The following UBXN2A variants were observed in gnomAD, a reference collection of about 807,000 sequenced individuals.
UBXN2A encodes UBX domain-containing protein 2A.
In UBXN2A, 28 loss-of-function variants were observed where a neutral mutation model predicts 28.4. The ratio of observed to expected loss-of-function variants is 0.99; its 90% CI spans 0.73 to 1.35. The LOEUF is 1.35. Ranked by LOEUF, UBXN2A falls within the 40% of genes most tolerant of loss-of-function variation. The pLI is 0.00. For missense variants in UBXN2A, 253 were observed against 297.9 expected, an observed-to-expected ratio of 0.85 and a Z score of 1.11; for synonymous variants, 97 against 103.6, an observed-to-expected ratio of 0.94 and a Z score of 0.39.
At chr2:23,963,242 C>T (rs543801892) in intron 2 of UBXN2A, among the ~76,000 whole-genome samples, 12 of 152,076 alleles carry the variant, frequency 7.9e-5, no homozygotes, top group Admixed American at 2.0e-4. Context: ...AAACGCCGGG[C>T]GCAGTGGCTC....
intron 4 of UBXN2A, among the ~76,000 whole-genome samples, chr2:23,981,338 C>T (rs1707889512): frequency 6.7e-6 from 1 of 149,974 alleles, no homozygotes; most frequent in Admixed American, 6.7e-5. Context: ...AAAAATCACC[C>T]GTGGTGGCAC....
In UBXN2A at chr2:23,943,826, C is replaced by T. The variant is rs77871883; in HGVS notation, c.-15+3178C>T. On this transcript the variant is annotated intron_variant, in intron 1 of 6. Transcript: ENST00000309033. ...ATATTTAAAATGAGCTTTGCATTTCCGTCCAGACCAGAACCCAAGATGGCT... is the reference window on the plus strand; with the variant it reads ...ATATTTAAAATGAGCTTTGCATTTCTGTCCAGACCAGAACCCAAGATGGCT... The T allele has an allele frequency of 7.5e-4, 244 of 325,728 alleles. 1 individual carries two copies. In the East Asian group the frequency reaches 0.015, roughly 21 times the overall value. 20.2% of individuals were successfully genotyped at this position (325,728 alleles called of 1,614,324 possible). A position where few individuals can be genotyped will look rare whatever the true frequency, so the allele number is the denominator to read the frequency against.
At chr2:23,974,345 C>A (rs1398914865) in intron 3 of UBXN2A, among the ~76,000 whole-genome samples, 1 of 130,558 alleles carries the variant, frequency 7.7e-6, no homozygotes, top group Non-Finnish European at 1.6e-5. Context: ...ATTTAACCAA[C>A]TTTTTTTTTT....
intron 1 of UBXN2A, among the ~76,000 whole-genome samples, chr2:23,928,460 C>G (rs1379337346): frequency 1.3e-5 from 2 of 151,882 alleles, no homozygotes; most frequent in Non-Finnish European, 2.9e-5. Flanking sequence ...GCCTGTAATC[C>G]CAGCTACTTG....
chr2:23,951,495 T>C (rs1464184686), intron 1 of UBXN2A, among the ~76,000 whole-genome samples: 1 of 148,190 alleles, frequency 6.7e-6, no homozygotes, highest in Non-Finnish European at 1.5e-5. Flanking sequence ...AGTTTTGCTC[T>C]TGTCACCCAG....
At chr2:23,932,546 G>A (rs528094305) in intron 1 of UBXN2A, among the ~76,000 whole-genome samples, 65 of 152,196 alleles carry the variant, frequency 4.3e-4, no homozygotes, top group Non-Finnish European at 7.6e-4. Flanking sequence ...AGTGGGGAGC[G>A]GTGGGTGGGG....
chr2:23,959,756 G>A (rs1706810649), intron 2 of UBXN2A, among the ~76,000 whole-genome samples: 1 of 152,152 alleles, frequency 6.6e-6, no homozygotes, highest in Non-Finnish European at 1.5e-5. Context: ...GTAACAAGTT[G>A]TGACAAATTC....
intron 2 of UBXN2A, among the ~76,000 whole-genome samples, chr2:23,961,229 G>A (rs1055283264): frequency 6.6e-6 from 1 of 151,716 alleles, no homozygotes. Context: ...CCAAGTAGCT[G>A]GGACTACAGG....
intron 3 of UBXN2A, among the ~76,000 whole-genome samples, chr2:23,974,134 C>T (rs1707547436): frequency 6.7e-6 from 1 of 150,298 alleles, no homozygotes; most frequent in Non-Finnish European, 1.5e-5. Flanking sequence ...CCTGCCTCAG[C>T]CTCCTGAGTA....
chr2:23,994,126 T>C (rs973821374), intron 6 of UBXN2A, among the ~76,000 whole-genome samples: 1 of 152,244 alleles, frequency 6.6e-6, no homozygotes, highest in African/African-American at 2.4e-5. Context: ...AATGCCCATA[T>C]GTTGTCTTCC....
At chr2:23,991,436 C>CAT (rs112419400) in intron 6 of UBXN2A, among the ~76,000 whole-genome samples, 17,988 of 149,986 alleles carry the variant, frequency 0.12, 1,153 homozygotes, top group Middle Eastern at 0.22. Flanking sequence ...CACACATATA[C>CAT]ATATATATAT....
intron 6 of UBXN2A, among the ~76,000 whole-genome samples, chr2:23,988,669 T>G (rs979994601): frequency 2.6e-5 from 4 of 152,226 alleles, no homozygotes; most frequent in African/African-American, 9.6e-5. Context: ...AAGTTACTCA[T>G]TTTCCCTTTG....
rs111781152 is a variant in UBXN2A, at chr2:23,951,878, A to G, written c.-14-6423A>G. ...ATGTAGACATTTTTAAAGTGAAGCA[A>G]TTAATTTTAGGAATACTACGTTTGA... On this transcript the variant is annotated intron_variant, in intron 1 of 6. Coordinates refer to ENST00000309033, the MANE Select transcript of UBXN2A (RefSeq NM_181713.4). Among the ~76,000 whole-genome samples, 133 of 152,144 alleles carry G rather than the reference A, an allele frequency of 8.7e-4. 2 individuals carry two copies. The highest frequency in any genetic ancestry group is 3.4e-3 in the Middle Eastern group (1 of 292).
At chr2:23,996,985 G>C (rs1259460038) in intron 6 of UBXN2A, 1 of 152,058 alleles carries the variant, frequency 6.6e-6, no homozygotes, top group Non-Finnish European at 1.5e-5. Context: ...GCACCTGATT[G>C]CCATAGCACA....
At chr2:23,981,678 G>GAGCCTAGGAGCTCAGGACC (rs1707915261) in intron 4 of UBXN2A, among the ~76,000 whole-genome samples, 1 of 151,748 alleles carries the variant, frequency 6.6e-6, no homozygotes, top group South Asian at 2.1e-4. Flanking sequence ...CAGATCACTT[G>GAGCCTAGGAGCTCAGGACC]AGCCTAGGAG....
chr2:23,997,683 T>C (rs1708591765), intron 6 of UBXN2A, among the ~76,000 whole-genome samples: 1 of 152,042 alleles, frequency 6.6e-6, no homozygotes, highest in Non-Finnish European at 1.5e-5. Context: ...CTTGATCTCG[T>C]GATCTGCCTG....
In UBXN2A at chr2:23,956,287, G is replaced by C. The variant is rs893043910; in HGVS notation, c.-14-2014G>C. 2.0e-5 allele frequency among the ~76,000 whole-genome samples: 3 copies of C among 151,888 alleles called. No homozygotes were observed. In the East Asian group the frequency reaches 5.8e-4, roughly 29 times the overall value. ...AGATGTTCAGTTTACCAGATTTACCGAATGGGAGCCCCTTCAGAGTGCCTT... is the reference window on the plus strand; with the variant it reads ...AGATGTTCAGTTTACCAGATTTACCCAATGGGAGCCCCTTCAGAGTGCCTT... On this transcript the variant is annotated intron_variant, in intron 1 of 6. Coordinates refer to ENST00000309033, the MANE Select transcript of UBXN2A (RefSeq NM_181713.4).
At chr2:23,971,671 G>A (rs929780219) in intron 3 of UBXN2A, among the ~76,000 whole-genome samples, 1 of 151,974 alleles carries the variant, frequency 6.6e-6, no homozygotes, top group African/African-American at 2.4e-5. Flanking sequence ...TTATTCTTTT[G>A]TAGAGACGGG....
At position 23,953,481 on chromosome 2, in the gene UBXN2A, T is replaced by C. The variant is rs1409923716; in HGVS notation, c.-14-4820T>C. On this transcript the variant is annotated intron_variant, in intron 1 of 6. Transcript: ENST00000309033. ...CTAAAGCAGTGACTTAAAAAACTTA[T>C]AGCTACAGTCCCATCGTCACACCCT... 3.9e-5 allele frequency among the ~76,000 whole-genome samples: 6 copies of C among 152,348 alleles called. No individual in the cohort carries two copies. In the South Asian group the frequency reaches 8.3e-4, roughly 21 times the overall value.
Sources: gnomAD v4.1 joint callset for allele counts (sites outside exome capture counted in the v4.1 genomes callset) on GRCh38, gnomAD v4.1.1 for gene constraint, MANE v1.5 for transcripts, NCBI Gene and HGNC (gene_info 2026-07-23, HGNC 2026-07-21) for gene names.